The following EPB41L3 variants were observed in gnomAD, a reference collection of about 807,000 sequenced individuals.
The protein encoded by EPB41L3 is band 4.1-like protein 3.
A neutral mutation model predicts 127.1 loss-of-function variants in EPB41L3; 57 were observed. The ratio of observed to expected loss-of-function variants is 0.45; its 90% CI spans 0.36 to 0.56. The LOEUF (loss-of-function observed/expected upper bound fraction) is 0.56. Ranked by LOEUF, EPB41L3 falls within the 20% of genes least tolerant of loss-of-function variation. The pLI is 0.00. For missense variants in EPB41L3, 1,273 were observed against 1,372.2 expected (o/e 0.93, Z 1.14); for synonymous variants, 572 against 549.5 (o/e 1.04, Z -0.57).
At chr18:5,466,151 C>T (rs1053655473) in intron 3 of EPB41L3, 4 of 152,248 alleles carry the variant, frequency 2.6e-5, no homozygotes, top group Admixed American at 6.5e-5. Context: ...TTCCCTTACT[C>T]CTCTGCTGCA....
chr18:5,601,974 T>C (rs924849067), intron 3 of EPB41L3, among the ~76,000 whole-genome samples: 2 of 152,326 alleles, frequency 1.3e-5, no homozygotes. Context: ...GAAGCTAGTA[T>C]AGAGGACCTG....
chr18:5,469,594 C>T (rs551260980), intron 3 of EPB41L3, among the ~76,000 whole-genome samples: 58 of 152,264 alleles, frequency 3.8e-4, no homozygotes, highest in Non-Finnish European at 6.5e-4. Flanking sequence ...GCCTGCAAGT[C>T]GAGTGGGCGG....
chr18:5,400,792 C>G (rs1211199408), intron 16 of EPB41L3: 1 of 582,206 alleles, frequency 1.7e-6, no homozygotes, highest in Non-Finnish European at 3.1e-6. Context: ...TAACTGATAA[C>G]TAAAATATTA....
intron 3 of EPB41L3, among the ~76,000 whole-genome samples, chr18:5,474,124 A>G (rs985896356): frequency 6.6e-6 from 1 of 151,872 alleles, no homozygotes; most frequent in Admixed American, 6.6e-5. Flanking sequence ...CCAGCTACTC[A>G]GGAGGCTGAG....
intron 1 of EPB41L3, among the ~76,000 whole-genome samples, chr18:5,492,104 G>T (rs1260278912): frequency 6.6e-6 from 1 of 152,164 alleles, no homozygotes; most frequent in Non-Finnish European, 1.5e-5. Context: ...TGGATCACTT[G>T]AGGTAAGGAG....
At chr18:5,456,004 G>C (rs2083000655) in intron 3 of EPB41L3, among the ~76,000 whole-genome samples, 1 of 152,036 alleles carries the variant, frequency 6.6e-6, no homozygotes, top group Non-Finnish European at 1.5e-5. Context: ...TTTCCTGTGA[G>C]AGGAAGTACT....
intron 3 of EPB41L3, among the ~76,000 whole-genome samples, chr18:5,475,997 C>T (rs1211205674): frequency 1.3e-5 from 2 of 152,092 alleles, no homozygotes; most frequent in Admixed American, 1.3e-4. Context: ...AGCTCACCAG[C>T]CAAACTTTAC....
chr18:5,549,104 A>G (rs180985127), upstream of EPB41L3, among the ~76,000 whole-genome samples: 12 of 152,370 alleles, frequency 7.9e-5, no homozygotes, highest in East Asian at 1.7e-3. Context: ...TGTTAATGCT[A>G]TCTCCTCTTT....
At chr18:5,615,148 A>C (rs1376786438) in intron 1 of EPB41L3, among the ~76,000 whole-genome samples, 2 of 152,200 alleles carry the variant, frequency 1.3e-5, no homozygotes. Context: ...AATGCTAAAG[A>C]TATCAGAGAA....
At chr18:5,523,220 A>T (rs2093070022) in intron 1 of EPB41L3, among the ~76,000 whole-genome samples, 1 of 152,202 alleles carries the variant, frequency 6.6e-6, no homozygotes, top group Non-Finnish European at 1.5e-5. Context: ...ACATCAAATG[A>T]TGCTAGACAT....
At position 5,445,130 on chromosome 18, in the gene EPB41L3, G is replaced by T; in HGVS notation, c.486+10C>A. 1 of 1,608,486 alleles carries T rather than the reference G, an allele frequency of 6.2e-7. No individual in the cohort carries two copies. Among genetic ancestry groups the T allele is most frequent in the South Asian group, 1.1e-5 (1 of 90,878 alleles). ...AGCCATCTTATTTTGCATTGCTTTT[G>T]ATCACTCACCTTCTGGTTTTCAGCA... On this transcript the variant is annotated intron_variant, in intron 4 of 22. Coordinates refer to ENST00000341928, the MANE Select transcript of EPB41L3 (RefSeq NM_012307.5).
At chr18:5,598,245 T>G (rs892095589) in intron 3 of EPB41L3, among the ~76,000 whole-genome samples, 3 of 152,210 alleles carry the variant, frequency 2.0e-5, no homozygotes, top group Admixed American at 6.5e-5. Flanking sequence ...CTGTGCATTT[T>G]CTTACTATAC....
upstream of EPB41L3, chr18:5,544,408 A>ATT (rs529752888): frequency 3.1e-4 from 223 of 716,194 alleles, no homozygotes; most frequent in Middle Eastern, 2.2e-3. Context: ...GGACTGCAGT[A>ATT]TTTTTTTTTT....
intron 8 of EPB41L3, among the ~76,000 whole-genome samples, chr18:5,430,755 G>A (rs2078899293): frequency 6.6e-6 from 1 of 151,250 alleles, no homozygotes; most frequent in African/African-American, 2.4e-5. Context: ...TAGAGATCGG[G>A]TTCTGCTACA....
intron 3 of EPB41L3, among the ~76,000 whole-genome samples, chr18:5,470,626 G>A (rs537540215): frequency 6.6e-6 from 1 of 152,344 alleles, no homozygotes; most frequent in African/African-American, 2.4e-5. Flanking sequence ...GATTGCCTCT[G>A]CCATACAGTC....
chr18:5,624,431 A>T (rs994345335), intron 1 of EPB41L3, among the ~76,000 whole-genome samples: 2 of 152,228 alleles, frequency 1.3e-5, no homozygotes, highest in African/African-American at 4.8e-5. Context: ...TCTAGCTCAC[A>T]TGACTATAAT....
chr18:5,492,770 A>G lies in EPB41L3; in HGVS notation c.-11-3576T>C, dbSNP rs115563328. Among the ~76,000 whole-genome samples, 425 of 152,332 alleles carry G rather than the reference A, an allele frequency of 2.8e-3. 4 individuals are homozygous for G. The highest frequency in any genetic ancestry group is 9.2e-3 in the African/African-American group (384 of 41,568). ...AGGCTTTAAAGGTTTGGATTCCTGG[A>G]AACTCCAAATCCTAAAAGTTGGGGT... On this transcript the variant is annotated intron_variant, in intron 1 of 22. Transcript: ENST00000341928.
At chr18:5,621,978 T>C (rs894703998) in intron 1 of EPB41L3, among the ~76,000 whole-genome samples, 5 of 152,194 alleles carry the variant, frequency 3.3e-5, no homozygotes, top group African/African-American at 1.2e-4. Flanking sequence ...AAATATTAAT[T>C]TCTACTTGAT....
intron 3 of EPB41L3, among the ~76,000 whole-genome samples, chr18:5,563,541 T>A (rs748898287): frequency 2.8e-4 from 42 of 152,176 alleles, no homozygotes; most frequent in African/African-American, 7.7e-4. Context: ...GATTGAGGAA[T>A]ATGCAGGAGG....
Sources: gnomAD v4.1 joint callset for allele counts (sites outside exome capture counted in the v4.1 genomes callset) on GRCh38, gnomAD v4.1.1 for gene constraint, MANE v1.5 for transcripts, NCBI Gene and HGNC (gene_info 2026-07-23, HGNC 2026-07-21) for gene names.